Variants in RRM1 observed in about 807,000 individuals in gnomAD.
RRM1 encodes ribonucleoside-diphosphate reductase large subunit.
In RRM1, 19 loss-of-function variants were observed where a neutral mutation model predicts 101.5. The observed-to-expected ratio is 0.19, with a 90% CI of 0.13 to 0.27. RRM1 has a LOEUF of 0.27. RRM1 is among the 10% of genes least tolerant of loss of function. The pLI is 1.00. For missense variants in RRM1, 500 were observed against 962.9 expected (o/e 0.52, Z 6.36); for synonymous variants, 298 against 323.4 (o/e 0.92, Z 0.84).
chr11:4,104,350 G>C (rs935601660), intron 2 of RRM1, among the ~76,000 whole-genome samples: 1 of 152,152 alleles, frequency 6.6e-6, no homozygotes, highest in Non-Finnish European at 1.5e-5. Context: ...AGTTACACAC[G>C]TATGTGTCTT....
intron 7 of RRM1, among the ~76,000 whole-genome samples, chr11:4,117,425 G>T (rs1028115116): frequency 6.6e-6 from 1 of 152,068 alleles, no homozygotes; most frequent in African/African-American, 2.4e-5. Context: ...CAAATGTTTT[G>T]GTATATTTAT....
chr11:4,117,754 A>G (rs566521161), intron 7 of RRM1, among the ~76,000 whole-genome samples: 55 of 152,234 alleles, frequency 3.6e-4, no homozygotes, highest in Non-Finnish European at 7.1e-4. Flanking sequence ...GATAGAATCC[A>G]TTTGCATGAT....
intron 6 of RRM1, 27 bp from the exon 7 acceptor site, chr11:4,111,873 A>G: frequency 1.9e-6 from 3 of 1,593,212 alleles, no homozygotes; most frequent in South Asian, 1.1e-5. Flanking sequence ...ACGTCTCATC[A>G]TGTGAAAACT....
intron 1 of RRM1, among the ~76,000 whole-genome samples, chr11:4,097,497 G>A (rs1043936213): frequency 1.3e-5 from 2 of 151,058 alleles, no homozygotes; most frequent in African/African-American, 4.9e-5. Flanking sequence ...ATATTTTAAT[G>A]TTTTTTAATA....
intron 7 of RRM1, among the ~76,000 whole-genome samples, chr11:4,117,040 A>G (rs1305244085): frequency 6.6e-6 from 1 of 152,180 alleles, no homozygotes; most frequent in African/African-American, 2.4e-5. Flanking sequence ...TAAACAAATA[A>G]TGCATGGAAG....
rs761046053 is a variant in RRM1 at position 4,127,197 on chromosome 11, G to T, written c.1633G>T (p.Asp545Tyr). ...IYYGALEASC[D>Y]LAKEQGPYET... ...TTATGGTGCTCTGGAAGCCAGCTGT[G>T]ACCTTGCCAAGGAGCAGGGCCCATA... Residue 545 changes from aspartate to tyrosine, a missense_variant, in exon 14 of 19, where the codon GAC becomes TAC. By Grantham distance (160) the Asp-to-Tyr change is radical (BLOSUM62 -3). Around this residue, in one of 9 missense-constraint regions of RRM1, gnomAD observed 106 missense variants for 138.1 expected, o/e 0.77. Coordinates refer to ENST00000300738, the MANE Select transcript of RRM1 (RefSeq NM_001033.5). The T allele has an allele frequency of 6.2e-7, 1 of 1,613,312 alleles. No homozygotes were observed. Among genetic ancestry groups the T allele is most frequent in the Admixed American group, 1.7e-5 (1 of 59,844 alleles).
Position 4,102,095 on chromosome 11 carries a change from G to T in RRM1, c.108+14G>T. On this transcript the variant is annotated intron_variant, in intron 2 of 18. Transcript: ENST00000300738. The stretch of plus-strand genomic sequence containing the variant: ...TTTGTTGATCCTGTAAGTAAATATG[G>T]TTTTTATCTTGGGTTCCTTCTTTCA... The T allele has an allele frequency of 5.9e-6, 8 of 1,357,622 alleles. No homozygotes were observed. Among genetic ancestry groups the T allele is most frequent in the Non-Finnish European group, 8.4e-6 (8 of 951,318 alleles). 84.1% of individuals were successfully genotyped at this position (1,357,622 alleles called of 1,614,324 possible). A position where few individuals can be genotyped will look rare whatever the true frequency, so the allele number is the denominator to read the frequency against.
At chr11:4,130,078 ATATATATATT>A (rs1238376973) in intron 15 of RRM1, among the ~76,000 whole-genome samples, 6 of 95,680 alleles carry the variant, frequency 6.3e-5, no homozygotes, top group Admixed American at 1.0e-4. Flanking sequence ...ATATATATAT[ATATATATATT>A]TTTTTTTTTT....
chr11:4,104,982 C>T (rs2094556357), intron 2 of RRM1, among the ~76,000 whole-genome samples: 1 of 152,010 alleles, frequency 6.6e-6, no homozygotes, highest in African/African-American at 2.4e-5. Context: ...TGGGGAAACC[C>T]TTATATAGAA....
intron 4 of RRM1, among the ~76,000 whole-genome samples, chr11:4,109,399 A>C (rs1055944047): frequency 6.6e-6 from 1 of 152,080 alleles, no homozygotes; most frequent in Non-Finnish European, 1.5e-5. Flanking sequence ...ACATATATTT[A>C]TGTATTATCT....
At chr11:4,120,663 G>A (rs775698099) in intron 9 of RRM1, among the ~76,000 whole-genome samples, 18 of 152,118 alleles carry the variant, frequency 1.2e-4, no homozygotes, top group Admixed American at 2.0e-4. Flanking sequence ...ACTGCACCTC[G>A]CCTAGGTTGT....
chr11:4,117,859 TA>T (rs1173083143), intron 7 of RRM1, among the ~76,000 whole-genome samples: 1 of 152,176 alleles, frequency 6.6e-6, no homozygotes, highest in African/African-American at 2.4e-5. Flanking sequence ...GGGTTGTCTT[TA>T]AAAAGACTGT....
chr11:4,131,931 A>T (rs569858503), intron 15 of RRM1, among the ~76,000 whole-genome samples: 1 of 152,202 alleles, frequency 6.6e-6, no homozygotes, highest in Non-Finnish European at 1.5e-5. Context: ...GCGCTTCAAC[A>T]GTGATTTGAA....
chr11:4,135,283 T>A lies in RRM1; in HGVS notation c.2190+13T>A. On this transcript the variant is annotated intron_variant, in intron 18 of 18. Transcript: ENST00000300738. Reference sequence around the variant, plus strand: ...CGGCTGGAAGCAGGTTGGTAGAGAATATCAAGGAGTACTTAATTGCCAGCT... The same window carrying A: ...CGGCTGGAAGCAGGTTGGTAGAGAAAATCAAGGAGTACTTAATTGCCAGCT... The A allele has an allele frequency of 6.4e-7, 1 of 1,563,972 alleles. No homozygotes were observed. Among genetic ancestry groups the A allele is most frequent in the African/African-American group, 1.4e-5 (1 of 73,788 alleles).
chr11:4,097,142 G>A lies in RRM1; in HGVS notation c.19+2111G>A, dbSNP rs1327903053. ...TCTACTAAAAACACAAAAGTTAGCCGGACGGTAGTGGTTTGCACCTGTAAT... is the reference window on the plus strand; with the variant it reads ...TCTACTAAAAACACAAAAGTTAGCCAGACGGTAGTGGTTTGCACCTGTAAT... On this transcript the variant is annotated intron_variant, in intron 1 of 18. Transcript: ENST00000300738. 3.3e-5 allele frequency among the ~76,000 whole-genome samples: 5 copies of A among 151,506 alleles called. No individual in the cohort carries two copies. In the East Asian group the frequency reaches 5.9e-4, roughly 18 times the overall value.
intron 2 of RRM1, among the ~76,000 whole-genome samples, chr11:4,102,360 T>C (rs1348084727): frequency 1.3e-5 from 2 of 152,184 alleles, no homozygotes; most frequent in Non-Finnish European, 2.9e-5. Flanking sequence ...GTTTTATTCA[T>C]TAGTGGAAAA....
chr11:4,129,058 G>T lies in RRM1; in HGVS notation c.1693-16G>T. ...TTAACTTGCTGTAGAATAAATTTGAGTTGTGTATTCCTTAGATTCTTCAGT... is the reference window on the plus strand; with the variant it reads ...TTAACTTGCTGTAGAATAAATTTGATTTGTGTATTCCTTAGATTCTTCAGT... On this transcript the variant is annotated splice_polypyrimidine_tract_variant and intron_variant, in intron 14 of 18. Transcript: ENST00000300738. The T allele has an allele frequency of 1.4e-6, 2 of 1,422,804 alleles. No homozygotes were observed. Among genetic ancestry groups the T allele is most frequent in the Non-Finnish European group, 1.9e-6 (2 of 1,037,780 alleles). 88.1% of individuals were successfully genotyped at this position (1,422,804 alleles called of 1,614,324 possible).
Position 4,106,124 on chromosome 11 carries a change from A to G in RRM1, c.187A>G (p.Thr63Ala). 1 of 1,613,882 alleles carries G rather than the reference A, an allele frequency of 6.2e-7. No homozygotes were observed. Among genetic ancestry groups the G allele is most frequent in the Non-Finnish European group, 8.5e-7 (1 of 1,179,766 alleles). Reference sequence around the variant, plus strand: ...GGAACTAGATACTTTGGCTGCTGAAACAGCTGCAACCTTGACTACTAAGCA... The same window carrying G: ...GGAACTAGATACTTTGGCTGCTGAAGCAGCTGCAACCTTGACTACTAAGCA... The part of the protein sequence containing the change: ...TVELDTLAAE[T>A]AATLTTKHPD... Residue 63 changes from threonine (T) to alanine (A), a missense_variant, in exon 3 of 19, where the codon ACA (threonine) becomes GCA (alanine). By Grantham distance (58) the Thr-to-Ala change is moderately conservative. Transcript: ENST00000300738.
In RRM1 at chr11:4,132,255, G is replaced by T. The variant is rs2094601807; in HGVS notation, c.1770-31G>T. ...CTTTCCTGGCAGATTGTAGCTTTGGGACTAGTACCTGATAATCTCCTTTTC... is the reference window on the plus strand; with the variant it reads ...CTTTCCTGGCAGATTGTAGCTTTGGTACTAGTACCTGATAATCTCCTTTTC... On this transcript the variant is annotated intron_variant, in intron 15 of 18. Transcript: ENST00000300738. The surrounding 1 kb of genome is among the most constrained non-coding windows in gnomAD (Gnocchi z 4.1). 6.2e-7 allele frequency: 1 copy of T among 1,612,686 alleles called. No homozygotes were observed. Among genetic ancestry groups the T allele is most frequent in the African/African-American group, 1.3e-5 (1 of 74,896 alleles).
Sources: gnomAD v4.1 joint callset for allele counts (sites outside exome capture counted in the v4.1 genomes callset) on GRCh38, gnomAD v4.1.1 for gene constraint, gnomAD v4.1.1 regional missense constraint, Gnocchi (gnomAD v3.1) non-coding constraint, MANE v1.5 for transcripts, NCBI Gene and HGNC (gene_info 2026-07-23, HGNC 2026-07-21) for gene names.